Variants in DAB1 observed in about 807,000 individuals in gnomAD.
DAB1 encodes the protein disabled homolog 1.
In DAB1, 15 loss-of-function variants were observed where a neutral mutation model predicts 64.6. The ratio of observed to expected loss-of-function variants is 0.23; its 90% CI spans 0.16 to 0.36. The LOEUF is 0.36. Among genes scored for constraint, DAB1 ranks in the 10% least tolerant of loss-of-function variants. The pLI, the probability that DAB1 is intolerant of heterozygous loss-of-function variation, is 1.00. For missense variants in DAB1, 596 were observed against 706.7 expected (o/e 0.84, Z 1.78); for synonymous variants, 235 against 251.9 (o/e 0.93, Z 0.64).
At chr1:57,719,615 G>A (rs1307663276) in intron 6 of DAB1, among the ~76,000 whole-genome samples, 4 of 152,168 alleles carry the variant, frequency 2.6e-5, no homozygotes, top group African/African-American at 9.7e-5. Context: ...TAAAATTACA[G>A]CACTTCCTTC....
At chr1:58,135,771 A>G (rs1303647169) in intron 5 of DAB1, among the ~76,000 whole-genome samples, 1 of 152,194 alleles carries the variant, frequency 6.6e-6, no homozygotes, top group African/African-American at 2.4e-5. Context: ...TTTGGAAGAT[A>G]TCTTGGGGGA....
At chr1:58,178,788 C>A (rs1286160699) in intron 4 of DAB1, among the ~76,000 whole-genome samples, 1 of 152,100 alleles carries the variant, frequency 6.6e-6, no homozygotes, top group African/African-American at 2.4e-5. Context: ...GTGGGCTGTA[C>A]ACAAACTGAA....
intron 6 of DAB1, among the ~76,000 whole-genome samples, chr1:57,817,011 A>G (rs1018308007): frequency 3.9e-5 from 6 of 152,096 alleles, no homozygotes; most frequent in Admixed American, 2.0e-4. Context: ...TATGCCCTTT[A>G]TGACTCAATC....
At chr1:58,053,562 C>T (rs1052673763) in intron 5 of DAB1, among the ~76,000 whole-genome samples, 10 of 152,116 alleles carry the variant, frequency 6.6e-5, no homozygotes, top group African/African-American at 2.2e-4. Context: ...TCCATTAGGC[C>T]CCAACTCCAA....
chr1:57,685,243 C>G (rs547722727), intron 6 of DAB1, among the ~76,000 whole-genome samples: 190 of 151,604 alleles, frequency 1.3e-3, no homozygotes, highest in African/African-American at 4.4e-3. Flanking sequence ...TGAGCCACCA[C>G]TCGTGGCCGG....
At chr1:57,218,053 C>A (rs1477257315) in intron 2 of DAB1, among the ~76,000 whole-genome samples, 1 of 152,074 alleles carries the variant, frequency 6.6e-6, no homozygotes, top group Admixed American at 6.6e-5. Context: ...TGACAAGTAC[C>A]AAAATACTGC....
intron 7 of DAB1, among the ~76,000 whole-genome samples, chr1:57,524,966 A>G (rs1273202887): frequency 6.6e-6 from 1 of 152,242 alleles, no homozygotes; most frequent in Non-Finnish European, 1.5e-5. Context: ...GTAAAGCAAT[A>G]CTAAATGCTA....
chr1:57,990,154 A>G (rs1263769473), intron 5 of DAB1, among the ~76,000 whole-genome samples: 2 of 152,134 alleles, frequency 1.3e-5, no homozygotes, highest in Non-Finnish European at 2.9e-5. Flanking sequence ...GCTCCCAGGA[A>G]ATGGTGTCTA....
intron 1 of DAB1, among the ~76,000 whole-genome samples, chr1:57,357,948 G>A (rs1679254243): frequency 6.6e-6 from 1 of 151,922 alleles, no homozygotes; most frequent in South Asian, 2.1e-4. Flanking sequence ...GGAGACACAG[G>A]CAAACCGTAT....
downstream of DAB1, among the ~76,000 whole-genome samples, chr1:57,824,229 G>C (rs2101898069): frequency 6.6e-6 from 1 of 152,302 alleles, no homozygotes; most frequent in South Asian, 2.1e-4. Flanking sequence ...GAAGCTTGGT[G>C]GTTTGGTTCC....
intron 2 of DAB1, among the ~76,000 whole-genome samples, chr1:57,153,541 G>A (rs1659896880): frequency 6.6e-6 from 1 of 152,090 alleles, no homozygotes; most frequent in Non-Finnish European, 1.5e-5. Context: ...CAATCATAAT[G>A]AGACATTTGG....
chr1:57,465,049 A>G (rs1686909903), intron 7 of DAB1, among the ~76,000 whole-genome samples: 1 of 152,158 alleles, frequency 6.6e-6, no homozygotes, highest in African/African-American at 2.4e-5. Context: ...CAGAGGAAAA[A>G]TCCAGAAGGC....
chr1:58,076,921 T>C (rs1026348727), intron 5 of DAB1, among the ~76,000 whole-genome samples: 1 of 152,134 alleles, frequency 6.6e-6, no homozygotes, highest in Non-Finnish European at 1.5e-5. Flanking sequence ...TCTTCCTGGG[T>C]CATCTTCATC....
At chr1:57,171,212 A>G (rs948866174) in intron 2 of DAB1, among the ~76,000 whole-genome samples, 3 of 152,162 alleles carry the variant, frequency 2.0e-5, no homozygotes, top group Non-Finnish European at 2.9e-5. Flanking sequence ...AGCTGTATCA[A>G]ATAGGGCCAA....
chr1:57,140,891 C>G (rs1658530069), intron 3 of DAB1, among the ~76,000 whole-genome samples: 1 of 152,156 alleles, frequency 6.6e-6, no homozygotes, highest in Non-Finnish European at 1.5e-5. Flanking sequence ...GAGTCACAGG[C>G]TGCCCTGTTC....
At chr1:58,343,427 C>T (rs879943975) in intron 3 of DAB1, 2 of 152,248 alleles carry the variant, frequency 1.3e-5, no homozygotes, top group African/African-American at 4.8e-5. Flanking sequence ...AAAAGCCACA[C>T]GAGGAGTCAC....
chr1:57,034,383 T>A lies in DAB1; in HGVS notation c.724-8340A>T, dbSNP rs1376746261. 2.6e-5 allele frequency among the ~76,000 whole-genome samples: 4 copies of A among 152,152 alleles called. No individual in the cohort carries two copies. The East Asian group carries it at 7.7e-4, about 29-fold the overall frequency. ...CCACCTCCTCCATGAAGAGTTTCTC[T>A]ATCTTTTGAATTGAAATCCTCCTGA... On this transcript the variant is annotated intron_variant, in intron 9 of 14. Transcript: ENST00000371236.
chr1:57,369,411 C>T (rs2100929424), intron 1 of DAB1, among the ~76,000 whole-genome samples: 1 of 152,236 alleles, frequency 6.6e-6, no homozygotes, highest in South Asian at 2.1e-4. Flanking sequence ...TCCCTATAGG[C>T]CCAAGTGTTT....
At chr1:58,456,550 T>C (rs1237662176) in intron 3 of DAB1, among the ~76,000 whole-genome samples, 1 of 152,040 alleles carries the variant, frequency 6.6e-6, no homozygotes, top group East Asian at 1.9e-4. Flanking sequence ...GAAGGCTGAG[T>C]GAGGACGGCA....
Sources: gnomAD v4.1 joint callset for allele counts (sites outside exome capture counted in the v4.1 genomes callset) on GRCh38, gnomAD v4.1.1 for gene constraint, MANE v1.5 for transcripts, NCBI Gene and HGNC (gene_info 2026-07-23, HGNC 2026-07-21) for gene names.